The following GRIA4 variants were observed in gnomAD, a reference collection of about 807,000 sequenced individuals.
The protein encoded by GRIA4 is glutamate ionotropic receptor AMPA type subunit 4.
A neutral mutation model predicts 104.0 loss-of-function variants in GRIA4; 34 were observed. The ratio of observed to expected loss-of-function variants is 0.33; its 90% CI spans 0.25 to 0.44. GRIA4 has a LOEUF of 0.44. GRIA4 is among the 20% of genes least tolerant of loss of function. The pLI, the probability that GRIA4 is intolerant of heterozygous loss-of-function variation, is 1.00. For synonymous variants in GRIA4, 386 were observed against 381.9 expected (o/e 1.01, Z -0.13); for missense variants, 750 against 1,096.5 (o/e 0.68, Z 4.46).
chr11:105,900,683 C>T (rs922198397), intron 7 of GRIA4, among the ~76,000 whole-genome samples: 3 of 152,052 alleles, frequency 2.0e-5, no homozygotes, highest in Admixed American at 6.6e-5. Flanking sequence ...CCACCTCCTG[C>T]GTTCAAGCGA....
intron 3 of GRIA4, chr11:105,614,442 A>G (rs951467906): frequency 3.3e-5 from 5 of 151,934 alleles, no homozygotes; most frequent in Non-Finnish European, 7.4e-5. Flanking sequence ...AAGTACTTGT[A>G]AACATGATAA....
intron 15 of GRIA4, among the ~76,000 whole-genome samples, 178 bp from the exon 16 acceptor site, chr11:105,974,132 C>T (rs188236633): frequency 2.0e-5 from 3 of 152,216 alleles, no homozygotes; most frequent in East Asian, 3.9e-4. Context: ...TTTTACTTCT[C>T]CCAAGAGCTA....
chr11:105,683,518 C>G (rs1254935471), intron 3 of GRIA4, among the ~76,000 whole-genome samples: 1 of 151,968 alleles, frequency 6.6e-6, no homozygotes, highest in Non-Finnish European at 1.5e-5. Context: ...TTTTTCAAGA[C>G]ATTTTTCAGG....
At chr11:105,974,044 A>T (rs201977713) in intron 15 of GRIA4, among the ~76,000 whole-genome samples, 2 of 152,174 alleles carry the variant, frequency 1.3e-5, no homozygotes, top group Admixed American at 6.6e-5. Context: ...AATGGTTTTC[A>T]TTGCATATTT....
intron 10 of GRIA4, chr11:105,911,881 G>A: frequency 6.4e-7 from 1 of 1,552,564 alleles, no homozygotes; most frequent in Non-Finnish European, 8.8e-7. Flanking sequence ...TTCAGCCTCT[G>A]ATGAAGAATC....
chr11:105,674,265 AT>A (rs1425443270), intron 3 of GRIA4, among the ~76,000 whole-genome samples: 1 of 151,998 alleles, frequency 6.6e-6, no homozygotes, highest in Non-Finnish European at 1.5e-5. Context: ...AAGTAAATCA[AT>A]TTCACAATGA....
In GRIA4 at chr11:105,612,326, G is replaced by A; in HGVS notation, c.139G>A (p.Ala47Thr). 1.2e-6 allele frequency: 2 copies of A among 1,614,084 alleles called. No individual in the cohort carries two copies. Among genetic ancestry groups the A allele is most frequent in the Non-Finnish European group, 1.7e-6 (2 of 1,179,946 alleles). Residue 47 changes from alanine to threonine, a missense_variant, in exon 3 of 17, where the codon GCA becomes ACA. Physicochemically the swap from Ala to Thr is moderately conservative, Grantham distance 58. This residue lies in a region of GRIA4 where 410 missense variants were observed against 502.7 expected (regional missense o/e 0.82). Coordinates refer to ENST00000282499, the MANE Select transcript of GRIA4 (RefSeq NM_000829.4). ...TCAGGAATACACTGCTTTTCGATTA[G>A]CAATTTTTCTTCATAACACCAGCCC... The part of the protein sequence containing the change: ...TDQEYTAFRL[A>T]IFLHNTSPNA...
intron 3 of GRIA4, among the ~76,000 whole-genome samples, chr11:105,640,744 G>C (rs4301761): frequency 0.64 from 97,680 of 151,770 alleles, 32,517 homozygotes; most frequent in Non-Finnish European, 0.75. Flanking sequence ...GGACATATGT[G>C]TCCACAGGCA....
chr11:105,880,986 C>T (rs1326727837), intron 5 of GRIA4, among the ~76,000 whole-genome samples: 1 of 152,118 alleles, frequency 6.6e-6, no homozygotes, highest in Non-Finnish European at 1.5e-5. Context: ...AGAGGCTGAC[C>T]TTAAAACAAA....
chr11:105,873,399 T>A (rs1945688623), intron 5 of GRIA4, among the ~76,000 whole-genome samples: 1 of 152,228 alleles, frequency 6.6e-6, no homozygotes, highest in Non-Finnish European at 1.5e-5. Context: ...GCATGTGTCT[T>A]TACAGTAGAA....
chr11:105,810,870 A>G (rs559836094), intron 4 of GRIA4, among the ~76,000 whole-genome samples: 148 of 152,128 alleles, frequency 9.7e-4, no homozygotes, highest in Non-Finnish European at 1.8e-3. Context: ...CTCCAAAATT[A>G]TTTTTATGAG....
At chr11:105,619,516 TTGTTA>T (rs1369263055) in intron 3 of GRIA4, among the ~76,000 whole-genome samples, 24 of 152,088 alleles carry the variant, frequency 1.6e-4, no homozygotes, top group Admixed American at 2.6e-4. Flanking sequence ...TCTCACTGAA[TTGTTA>T]ATTTTAAATC....
intron 6 of GRIA4, among the ~76,000 whole-genome samples, chr11:105,889,237 C>G (rs959836131): frequency 6.6e-6 from 1 of 152,018 alleles, no homozygotes; most frequent in Non-Finnish European, 1.5e-5. Flanking sequence ...GTAAACAGCC[C>G]TAGGAGATGG....
rs532671749 is a variant in GRIA4 at position 105,803,564 on chromosome 11, C to T, written c.487+50344C>T. Among the ~76,000 whole-genome samples, 17 of 151,912 alleles carry T rather than the reference C, an allele frequency of 1.1e-4. No homozygotes were observed. In the South Asian group the frequency reaches 2.9e-3, roughly 26 times the overall value. ...GTTAACTCTTTTAACTGTATTAAGG[C>T]ATAACTGAAGTAATTAAATCAATAG... On this transcript the variant is annotated intron_variant, in intron 4 of 16. Transcript: ENST00000282499.
chr11:105,688,156 C>CTCTA (rs201251122), intron 3 of GRIA4, among the ~76,000 whole-genome samples: 43 of 72,770 alleles, frequency 5.9e-4, no homozygotes, highest in African/African-American at 2.4e-3. Context: ...ATATCTATAT[C>CTCTA]TCTATCTATC....
At chr11:105,920,080 A>G (rs1481319878) in intron 11 of GRIA4, among the ~76,000 whole-genome samples, 1 of 152,128 alleles carries the variant, frequency 6.6e-6, no homozygotes, top group Admixed American at 6.6e-5. Flanking sequence ...AGCAATGAAC[A>G]TTCTTTGTAC....
At chr11:105,940,183 G>A (rs1390171533) in intron 14 of GRIA4, among the ~76,000 whole-genome samples, 2 of 151,990 alleles carry the variant, frequency 1.3e-5, no homozygotes, top group African/African-American at 4.8e-5. Context: ...TGGGCAACAT[G>A]GCGAAACCCT....
intron 10 of GRIA4, chr11:105,912,546 T>A (rs1003442030): frequency 4.5e-5 from 11 of 246,056 alleles, no homozygotes; most frequent in African/African-American, 2.1e-4. Flanking sequence ...ATATATATAT[T>A]TATATATATA....
intron 7 of GRIA4, among the ~76,000 whole-genome samples, chr11:105,899,867 G>A (rs551494480): frequency 1.6e-4 from 24 of 152,218 alleles, no homozygotes; most frequent in Admixed American, 3.3e-4. Flanking sequence ...TTTAACATGC[G>A]CATTTTCTCC....
Sources: gnomAD v4.1 joint callset for allele counts (sites outside exome capture counted in the v4.1 genomes callset) on GRCh38, gnomAD v4.1.1 for gene constraint, gnomAD v4.1.1 regional missense constraint, MANE v1.5 for transcripts, NCBI Gene and HGNC (gene_info 2026-07-23, HGNC 2026-07-21) for gene names.